UPRT: variants seen among roughly 807,000 people sequenced by gnomAD.
The protein encoded by UPRT is RP11-311P8.3.
In UPRT, 5 loss-of-function variants were observed where a neutral mutation model predicts 22.6. The observed-to-expected ratio is 0.22, with a 90% CI of 0.12 to 0.47. UPRT has a LOEUF of 0.47. Among genes scored for constraint, UPRT ranks in the 20% least tolerant of loss-of-function variants. The pLI is 0.99. For synonymous variants in UPRT, 77 were observed against 87.7 expected (o/e 0.88, Z 0.68); for missense variants, 181 against 239.9 (o/e 0.75, Z 1.62).
At chrX:75,159,176 T>C (rs1045350996) in intron 1 of UPRT, among the ~76,000 whole-genome samples, 2 of 111,914 alleles carry the variant, frequency 1.8e-5, no homozygotes, top group African/African-American at 3.2e-5. Flanking sequence ...TCATGAGATA[T>C]ACTTTTTTAG....
chrX:75,191,936 G>C (rs1232086879), intron 4 of UPRT, among the ~76,000 whole-genome samples: 1 of 111,130 alleles, frequency 9.0e-6, no homozygotes, highest in Non-Finnish European at 1.9e-5. Flanking sequence ...ACCCTGCTTT[G>C]GCTCTCGCTT....
At chrX:75,297,262 A>G (rs968873205) in intron 3 of UPRT, among the ~76,000 whole-genome samples, 2 of 111,936 alleles carry the variant, frequency 1.8e-5, no homozygotes, top group Middle Eastern at 4.7e-3. Context: ...TTCCCATTCA[A>G]TGAAGTCTGC....
chrX:75,232,880 TCTC>T (rs2082444161), intron 4 of UPRT, among the ~76,000 whole-genome samples: 3 of 111,524 alleles, frequency 2.7e-5, no homozygotes, highest in Admixed American at 9.5e-5. Flanking sequence ...GCAGAGCGCC[TCTC>T]CTCCTCCAAA....
At chrX:75,158,876 T>C (rs1220599445) in intron 1 of UPRT, among the ~76,000 whole-genome samples, 1 of 111,788 alleles carries the variant, frequency 8.9e-6, no homozygotes, top group Non-Finnish European at 1.9e-5. Context: ...CCACTCTGTA[T>C]CACCATTGCC....
chrX:75,209,347 G>T (rs1442479839), intron 4 of UPRT, among the ~76,000 whole-genome samples: 2 of 111,130 alleles, frequency 1.8e-5, no homozygotes, highest in Admixed American at 1.9e-4. Flanking sequence ...GTTTGGCTGA[G>T]CACAGTCCGA....
chrX:75,245,294 CAGAT>C (rs1257927950), intron 4 of UPRT, among the ~76,000 whole-genome samples: 1 of 102,266 alleles, frequency 9.8e-6, no homozygotes, highest in Non-Finnish European at 2.0e-5. Context: ...AAAAGGAAAA[CAGAT>C]AGATGCTGGA....
At chrX:75,295,018 G>A (rs2147701649) in intron 2 of UPRT, among the ~76,000 whole-genome samples, 1 of 111,144 alleles carries the variant, frequency 9.0e-6, no homozygotes, top group Admixed American at 9.7e-5. Flanking sequence ...GTTCTCTGCA[G>A]GTGGCTTTCA....
intron 1 of UPRT, among the ~76,000 whole-genome samples, chrX:75,278,760 G>T (rs2082641777): frequency 9.0e-6 from 1 of 111,682 alleles, no homozygotes; most frequent in Non-Finnish European, 1.9e-5. Context: ...CAAGCTGCTT[G>T]TTTAAAAGTT....
chrX:75,188,945 C>T, intron 4 of UPRT, among the ~76,000 whole-genome samples: 1 of 112,073 alleles, frequency 8.9e-6, no homozygotes, highest in Non-Finnish European at 1.9e-5. Flanking sequence ...GAACCCGGTA[C>T]TTCAGATGGA....
At chrX:75,283,831 TG>T (rs2082668968) in intron 1 of UPRT, among the ~76,000 whole-genome samples, 1 of 111,944 alleles carries the variant, frequency 8.9e-6, no homozygotes, top group Admixed American at 9.5e-5. Context: ...CATATTTGGA[TG>T]TCTATGTCTC....
chrX:75,206,896 C>CCTCCAGAT (rs2147626025), intron 4 of UPRT, among the ~76,000 whole-genome samples: 1 of 112,179 alleles, frequency 8.9e-6, no homozygotes, highest in African/African-American at 3.2e-5. Context: ...GATCTCCTGA[C>CCTCCAGAT]CTCGTGATCT....
chrX:75,195,626 G>A, intron 4 of UPRT, among the ~76,000 whole-genome samples: 1 of 111,906 alleles, frequency 8.9e-6, no homozygotes, highest in Non-Finnish European at 1.9e-5. Context: ...GAGGCCTATG[G>A]CGAGAAAAAG....
chrX:75,246,761 C>A (rs1473319999), intron 4 of UPRT, among the ~76,000 whole-genome samples: 1 of 111,261 alleles, frequency 9.0e-6, no homozygotes, highest in Non-Finnish European at 1.9e-5. Flanking sequence ...CTCTCCAGTA[C>A]CTGTTGTTTC....
Position 75,303,369 on chromosome X carries a change from A to C in UPRT, c.824-36A>C. ...TCCTGAATTACAACTGGTGTTACCA[A>C]AACATCCTACCATAATAACTTTTGT... is the stretch of plus-strand genomic sequence containing the variant. On this transcript the variant is annotated intron_variant, in intron 6 of 6. Transcript: ENST00000373383. 2.7e-6 allele frequency: 3 copies of C among 1,120,542 alleles called. No individual in the cohort carries two copies. In the South Asian group the frequency reaches 5.7e-5, roughly 21 times the overall value. The allele number at this position is 1,120,542 out of a possible 1,213,427, so 92.3% of individuals were successfully genotyped here.
At chrX:75,188,227 A>G (rs760304296) in intron 4 of UPRT, among the ~76,000 whole-genome samples, 16 of 110,795 alleles carry the variant, frequency 1.4e-4, no homozygotes, top group Admixed American at 4.8e-4. Flanking sequence ...CCGTTTGTCA[A>G]TTTTCCTTTC....
Position 75,209,734 on chromosome X carries a change from CT to C in UPRT, c.-447+41859del, listed in dbSNP as rs747619185. Among the ~76,000 whole-genome samples, 9 of 112,259 alleles carry C rather than the reference CT, an allele frequency of 8.0e-5. No homozygotes were observed. The South Asian group carries it at 3.3e-3, about 41-fold the overall frequency. On this transcript the variant is annotated intron_variant, in intron 4 of 13. Coordinates refer to the UPRT transcript ENST00000652605. ...GAGGGTGGCCTGGGATTAGGGCAGG[CT>C]TTTGCCCAGTGATCCTGTTGGCCAC...
intron 4 of UPRT, among the ~76,000 whole-genome samples, chrX:75,211,327 G>A (rs921034688): frequency 7.2e-5 from 8 of 111,278 alleles, no homozygotes; most frequent in East Asian, 2.9e-4. Flanking sequence ...CCCAGAGGCC[G>A]GAGTGGCTGG....
upstream of UPRT, among the ~76,000 whole-genome samples, chrX:75,272,181 C>T (rs762210386): frequency 9.3e-5 from 10 of 107,028 alleles, no homozygotes; most frequent in South Asian, 1.2e-3. Flanking sequence ...TAGTTGCACA[C>T]GCATGTTTAT....
At chrX:75,302,403 T>G (rs2082747318) in intron 6 of UPRT, among the ~76,000 whole-genome samples, 3 of 111,514 alleles carry the variant, frequency 2.7e-5, no homozygotes, top group Admixed American at 1.9e-4. Flanking sequence ...TTGAAATTTA[T>G]AGCTGAAAAA....
Sources: gnomAD v4.1 joint callset for allele counts (sites outside exome capture counted in the v4.1 genomes callset) on GRCh38, gnomAD v4.1.1 for gene constraint, MANE v1.5 for transcripts, NCBI Gene and HGNC (gene_info 2026-07-23, HGNC 2026-07-21) for gene names.